PTGER3: variants seen among roughly 807,000 people sequenced by gnomAD.
PTGER3 encodes the protein prostaglandin E receptor 3.
A neutral mutation model predicts 34.7 loss-of-function variants in PTGER3; 22 were observed. The observed-to-expected ratio is 0.63, with a 90% CI of 0.45 to 0.91. PTGER3 has a LOEUF of 0.91. PTGER3 is among the 40% of genes least tolerant of loss of function. PTGER3 has a pLI of 0.00. For missense variants in PTGER3, 468 were observed against 519.4 expected (o/e 0.90, Z 0.96); for synonymous variants, 241 against 230.1 (o/e 1.05, Z -0.43).
At chr1:70,893,638 ATGAG>A (rs35856952) in intron 4 of PTGER3, among the ~76,000 whole-genome samples, 45,092 of 151,900 alleles carry the variant, frequency 0.3, 6,897 homozygotes, top group South Asian at 0.46. Flanking sequence ...TGCCTTTTAC[ATGAG>A]TAAGAACTCT....
Position 71,047,709 on chromosome 1 carries a change from A to T in PTGER3, c.-132T>A, listed in dbSNP as rs1444299806. On this transcript the variant is annotated 5_prime_UTR_variant, in exon 1 of 4. Coordinates refer to ENST00000306666, the MANE Select transcript of PTGER3 (RefSeq NM_198719.2). ...GGCTGCCCCCCATGGTGCGGGGCGC[A>T]GCCGCCGCCCTACTCCGCTGCTGGG... The T allele has an allele frequency of 1.9e-6, 2 of 1,062,296 alleles. No individual in the cohort carries two copies. The highest frequency in any genetic ancestry group is 2.5e-6 in the Non-Finnish European group (2 of 789,664). The allele number at this position is 1,062,296 out of a possible 1,614,324, so 65.8% of individuals were successfully genotyped here. A position where few individuals can be genotyped will look rare whatever the true frequency, so the allele number is the denominator to read the frequency against.
intron 4 of PTGER3, among the ~76,000 whole-genome samples, chr1:70,907,270 G>T (rs1319499863): frequency 6.6e-6 from 1 of 152,194 alleles, no homozygotes; most frequent in East Asian, 1.9e-4. Context: ...AATGGGTTGG[G>T]TTACAGGATG....
chr1:70,947,227 A>C (rs1650302551), intron 4 of PTGER3, among the ~76,000 whole-genome samples: 1 of 152,132 alleles, frequency 6.6e-6, no homozygotes, highest in South Asian at 2.1e-4. Context: ...CCCCACCCAA[A>C]TTTCAACTTG....
chr1:71,007,336 A>C (rs1475190977), intron 2 of PTGER3: 2 of 985,700 alleles, frequency 2.0e-6, no homozygotes, highest in East Asian at 2.3e-4. Flanking sequence ...ACATTTGATA[A>C]GGAGAGCAAG....
At chr1:70,853,881 G>A (rs1009981222) in intron 4 of PTGER3, among the ~76,000 whole-genome samples, 3 of 152,144 alleles carry the variant, frequency 2.0e-5, no homozygotes, top group Non-Finnish European at 4.4e-5. Flanking sequence ...TTAAAGGGTA[G>A]TCCTGTCAAT....
At chr1:70,948,603 T>G (rs139568501), downstream of PTGER3, among the ~76,000 whole-genome samples, 496 of 152,260 alleles carry the variant, frequency 3.3e-3, 4 homozygotes, top group African/African-American at 0.011. Flanking sequence ...ATCTAATCAC[T>G]GAGACTTGAG....
intron 4 of PTGER3, among the ~76,000 whole-genome samples, chr1:70,940,514 G>C (rs1312072606): frequency 6.6e-6 from 1 of 152,168 alleles, no homozygotes; most frequent in Non-Finnish European, 1.5e-5. Context: ...AAGAAAAAGA[G>C]GTTTAATTTG....
At chr1:71,044,655 T>C (rs2101007422) in intron 1 of PTGER3, among the ~76,000 whole-genome samples, 1 of 152,196 alleles carries the variant, frequency 6.6e-6, no homozygotes, top group East Asian at 1.9e-4. Flanking sequence ...TTTTCAAGAT[T>C]GATCTACTTT....
chr1:70,880,558 C>T (rs1386706047), intron 4 of PTGER3, among the ~76,000 whole-genome samples: 5 of 151,658 alleles, frequency 3.3e-5, no homozygotes, highest in Admixed American at 2.6e-4. Context: ...GGCATGATGG[C>T]GGGCACCTGT....
At chr1:71,028,565 G>GT (rs1276603401) in intron 1 of PTGER3, among the ~76,000 whole-genome samples, 1 of 152,024 alleles carries the variant, frequency 6.6e-6, no homozygotes, top group Admixed American at 6.6e-5. Flanking sequence ...TTTTTCCTTT[G>GT]TTTTTTATTT....
chr1:71,008,850 T>G, intron 2 of PTGER3: 1 of 960,976 alleles, frequency 1.0e-6, no homozygotes, highest in Non-Finnish European at 1.2e-6. Flanking sequence ...AAGTTAGGCT[T>G]TTTATGTGTT....
chr1:70,956,914 G>C (rs551143531), intron 2 of PTGER3, among the ~76,000 whole-genome samples: 1 of 152,172 alleles, frequency 6.6e-6, no homozygotes, highest in Non-Finnish European at 1.5e-5. Flanking sequence ...AGAATCGCTT[G>C]AGCCAGGGAG....
chr1:70,962,344 G>T (rs1408027348), intron 2 of PTGER3, among the ~76,000 whole-genome samples: 1 of 152,136 alleles, frequency 6.6e-6, no homozygotes, highest in African/African-American at 2.4e-5. Flanking sequence ...AGTTTTGTTT[G>T]CTATCTCAAC....
intron 1 of PTGER3, among the ~76,000 whole-genome samples, chr1:71,030,376 C>G (rs1659304608): frequency 6.6e-6 from 1 of 152,164 alleles, no homozygotes; most frequent in Non-Finnish European, 1.5e-5. Context: ...CTGTATCATA[C>G]TGGAGGCTTT....
intron 4 of PTGER3, among the ~76,000 whole-genome samples, chr1:70,920,916 A>G (rs1266012810): frequency 2.0e-5 from 3 of 152,170 alleles, no homozygotes; most frequent in Non-Finnish European, 4.4e-5. Context: ...CATATTCTAT[A>G]CAAGACTAAC....
At chr1:70,935,197 G>C (rs540377432) in intron 4 of PTGER3, among the ~76,000 whole-genome samples, 2 of 152,176 alleles carry the variant, frequency 1.3e-5, no homozygotes, top group African/African-American at 4.8e-5. Context: ...TTCATAAGAG[G>C]TCATAGGAGC....
intron 4 of PTGER3, among the ~76,000 whole-genome samples, chr1:70,894,212 G>A (rs1646677287): frequency 6.7e-6 from 1 of 148,420 alleles, no homozygotes; most frequent in South Asian, 2.1e-4. Context: ...GGGAGGCTGA[G>A]GCAGGAGAAT....
At chr1:70,973,194 T>G (rs1653283991) in intron 3 of PTGER3, among the ~76,000 whole-genome samples, 1 of 143,782 alleles carries the variant, frequency 7.0e-6, no homozygotes, top group Non-Finnish European at 1.5e-5. Context: ...TACATAGATA[T>G]AGATAGATGA....
At chr1:70,932,409 G>C (rs535046347) in intron 4 of PTGER3, among the ~76,000 whole-genome samples, 8 of 152,048 alleles carry the variant, frequency 5.3e-5, no homozygotes, top group African/African-American at 1.9e-4. Context: ...ACACTCTACT[G>C]GTACCAATTT....
Sources: allele counts gnomAD v4.1 joint callset (sites outside exome capture counted in the v4.1 genomes callset), GRCh38; gene constraint gnomAD v4.1.1; transcripts MANE v1.5; gene names NCBI Gene and HGNC (gene_info 2026-07-23, HGNC 2026-07-21).